The following KATNAL1 variants were observed in gnomAD, a reference collection of about 807,000 sequenced individuals.
The protein encoded by KATNAL1 is katanin p60 ATPase-containing subunit A-like 1.
A neutral mutation model predicts 55.2 loss-of-function variants in KATNAL1; 32 were observed. The observed-to-expected ratio is 0.58, with a 90% confidence interval of 0.44 to 0.78. The LOEUF (loss-of-function observed/expected upper bound fraction) is 0.78. KATNAL1 is among the 30% of genes least tolerant of loss of function. The probability of loss-of-function intolerance (pLI) is 0.00; values close to 1 mark genes in which losing one functional copy is unlikely to be tolerated. For missense variants in KATNAL1, 466 were observed against 600.9 expected, an observed-to-expected ratio of 0.78 and a Z score of 2.35; for synonymous variants, 193 against 193.6, an observed-to-expected ratio of 1.00 and a Z score of 0.02.
intron 3 of KATNAL1, among the ~76,000 whole-genome samples, chr13:30,259,733 G>A (rs1879110332): frequency 6.6e-6 from 1 of 152,330 alleles, no homozygotes; most frequent in Non-Finnish European, 1.5e-5. Context: ...TGCCCACGGA[G>A]TCTTGCTGAT....
chr13:30,222,550 G>A (rs1874985336), intron 9 of KATNAL1, among the ~76,000 whole-genome samples: 1 of 152,176 alleles, frequency 6.6e-6, no homozygotes. Context: ...AGTCATCCAA[G>A]GGTAGCTCTC....
At chr13:30,261,480 T>C (rs1053486287) in intron 3 of KATNAL1, among the ~76,000 whole-genome samples, 17 of 152,180 alleles carry the variant, frequency 1.1e-4, no homozygotes, top group Non-Finnish European at 2.1e-4. Context: ...CCATCTCACG[T>C]GCAGAGACAC....
chr13:30,273,193 C>T (rs1880513065), intron 3 of KATNAL1, among the ~76,000 whole-genome samples: 1 of 152,252 alleles, frequency 6.6e-6, no homozygotes, highest in Non-Finnish European at 1.5e-5. Context: ...ACCTCAACTA[C>T]TTGTCTTCCC....
intron 3 of KATNAL1, among the ~76,000 whole-genome samples, chr13:30,272,126 G>A (rs1258950433): frequency 6.6e-6 from 1 of 152,176 alleles, no homozygotes; most frequent in Non-Finnish European, 1.5e-5. Context: ...GGGGCCGGGA[G>A]CAGTGGCTCA....
chr13:30,249,318 T>G (rs371311650), intron 4 of KATNAL1, among the ~76,000 whole-genome samples: 3 of 152,166 alleles, frequency 2.0e-5, no homozygotes, highest in Non-Finnish European at 2.9e-5. Context: ...GAGGGAAAAC[T>G]TGTATAACCA....
At chr13:30,274,289 G>A (rs558422783) in intron 3 of KATNAL1, among the ~76,000 whole-genome samples, 1 of 152,214 alleles carries the variant, frequency 6.6e-6, no homozygotes, top group South Asian at 2.1e-4. Context: ...GACCTTAATT[G>A]ATCTTTTCAC....
Position 30,208,275 on chromosome 13 carries a change from C to T in KATNAL1, c.*265G>A. ...ATATCACACTGCGCCCTTGCTTCAGCCTCCCTGATAGACTGGTTTGGGTGT... is the reference window on the plus strand; with the variant it reads ...ATATCACACTGCGCCCTTGCTTCAGTCTCCCTGATAGACTGGTTTGGGTGT... On this transcript the variant is annotated 3_prime_UTR_variant, in exon 11 of 11. Coordinates refer to ENST00000380615, the MANE Select transcript of KATNAL1 (RefSeq NM_032116.5). 1 of 316,678 alleles carries T rather than the reference C, an allele frequency of 3.2e-6. No individual in the cohort carries two copies. Among genetic ancestry groups the T allele is most frequent in the Admixed American group, 4.9e-5 (1 of 20,332 alleles). The allele number at this position is 316,678 out of a possible 1,614,324, so 19.6% of individuals were successfully genotyped here.
chr13:30,253,521 C>T (rs946047308), intron 4 of KATNAL1, among the ~76,000 whole-genome samples: 1 of 151,854 alleles, frequency 6.6e-6, no homozygotes, highest in African/African-American at 2.4e-5. Flanking sequence ...AAAAATTAGC[C>T]GGGCATGGTA....
intron 3 of KATNAL1, among the ~76,000 whole-genome samples, chr13:30,274,898 C>CGCGT (rs1555265611): frequency 2.0e-5 from 2 of 99,240 alleles, no homozygotes; most frequent in Admixed American, 9.9e-5. Flanking sequence ...CATACGCGCG[C>CGCGT]GCGCGCGCGC....
chr13:30,241,607 G>A (rs571784001), intron 4 of KATNAL1, among the ~76,000 whole-genome samples: 1 of 152,306 alleles, frequency 6.6e-6, no homozygotes, highest in East Asian at 1.9e-4. Context: ...TTATTTGCCA[G>A]AGACAGTCCA....
intron 3 of KATNAL1, among the ~76,000 whole-genome samples, chr13:30,264,132 T>C (rs1047701587): frequency 4.4e-4 from 67 of 151,514 alleles, no homozygotes; most frequent in Non-Finnish European, 8.0e-4. Flanking sequence ...GGGAAAGGAT[T>C]CCCTATTTAA....
At position 30,227,006 on chromosome 13, in the gene KATNAL1, G is replaced by A. The variant is rs533659113; in HGVS notation, c.1147+406C>T. 9.4e-4 allele frequency among the ~76,000 whole-genome samples: 143 copies of A among 152,254 alleles called. 1 individual carries two copies. Among genetic ancestry groups the A allele is most frequent in the African/African-American group, 3.3e-3 (139 of 41,536 alleles). ...CACAAGAATCACTTGAACTTAGGAG[G>A]TGGAGGTTGCAGTGACCTGAGATCA... On this transcript the variant is annotated intron_variant, in intron 9 of 10. Coordinates refer to ENST00000380615, the MANE Select transcript of KATNAL1 (RefSeq NM_032116.5).
intron 9 of KATNAL1, among the ~76,000 whole-genome samples, chr13:30,227,113 A>ACTCT (rs71093031): frequency 1.5e-4 from 22 of 151,224 alleles, no homozygotes; most frequent in South Asian, 6.3e-4. Flanking sequence ...ACACACACAC[A>ACTCT]CTCTCTCTCT....
intron 4 of KATNAL1, among the ~76,000 whole-genome samples, chr13:30,245,871 C>T (rs1000458501): frequency 1.1e-4 from 16 of 152,174 alleles, no homozygotes; most frequent in South Asian, 4.2e-4. Flanking sequence ...AGGAGAACTA[C>T]GAGCCACTAC....
intron 9 of KATNAL1, among the ~76,000 whole-genome samples, chr13:30,225,428 A>G (rs1043147220): frequency 4.6e-5 from 7 of 152,252 alleles, no homozygotes; most frequent in Non-Finnish European, 4.4e-5. Context: ...GAAAGGCACA[A>G]GTTACCAAAG....
intron 1 of KATNAL1, 70 bp from the exon 2 acceptor site, chr13:30,283,861 A>T (rs1881590460): frequency 2.7e-6 from 3 of 1,094,668 alleles, no homozygotes. Flanking sequence ...TATTCTTTAA[A>T]ATATGTTTAA....
At chr13:30,277,982 CAAAAAAAAA>C (rs55683675) in intron 3 of KATNAL1, among the ~76,000 whole-genome samples, 66 of 61,282 alleles carry the variant, frequency 1.1e-3, no homozygotes, top group African/African-American at 2.4e-3. Flanking sequence ...GACTCCGTCT[CAAAAAAAAA>C]AAAAAAAAAA....
chr13:30,214,156 T>C (rs1873973170), intron 9 of KATNAL1, among the ~76,000 whole-genome samples: 1 of 152,058 alleles, frequency 6.6e-6, no homozygotes, highest in Non-Finnish European at 1.5e-5. Flanking sequence ...AAATCATGAG[T>C]GAACTCCCAT....
intron 3 of KATNAL1, among the ~76,000 whole-genome samples, chr13:30,268,063 C>T (rs1879918981): frequency 6.6e-6 from 1 of 152,068 alleles, no homozygotes; most frequent in Non-Finnish European, 1.5e-5. Context: ...GCGAAAGTGC[C>T]CCCTAGATAT....
Sources: gnomAD v4.1 joint callset for allele counts (sites outside exome capture counted in the v4.1 genomes callset) on GRCh38, gnomAD v4.1.1 for gene constraint, MANE v1.5 for transcripts, NCBI Gene and HGNC (gene_info 2026-07-23, HGNC 2026-07-21) for gene names.